The following TMEM232 variants were observed in gnomAD, a reference collection of about 807,000 sequenced individuals.
TMEM232 encodes the protein transmembrane protein 232.
In TMEM232, 80 loss-of-function variants were observed where a neutral mutation model predicts 78.8. That is an observed-to-expected ratio of 1.01 (90% confidence interval 0.85 to 1.22). TMEM232 has a LOEUF of 1.22. Ranked by LOEUF, TMEM232 falls within the 50% of genes most tolerant of loss-of-function variation. The probability of loss-of-function intolerance (pLI) is 0.00; values close to 1 mark genes in which losing one functional copy is unlikely to be tolerated. For missense variants in TMEM232, 881 were observed against 742.2 expected, an observed-to-expected ratio of 1.19 and a Z score of -2.17; for synonymous variants, 297 against 254.3, an observed-to-expected ratio of 1.17 and a Z score of -1.60.
intron 5 of TMEM232, among the ~76,000 whole-genome samples, chr5:110,633,856 A>C (rs931683582): frequency 6.6e-6 from 1 of 152,226 alleles, no homozygotes; most frequent in African/African-American, 2.4e-5. Flanking sequence ...ATCAATAATA[A>C]TGTAAATGTA....
intron 1 of TMEM232, among the ~76,000 whole-genome samples, chr5:110,735,847 T>A (rs963151852): frequency 6.6e-6 from 1 of 152,248 alleles, no homozygotes; most frequent in Non-Finnish European, 1.5e-5. Context: ...TTTCTATAGC[T>A]GTCTGAGTAA....
chr5:110,387,503 C>T (rs1399643448), intron 5 of TMEM232: 1 of 151,970 alleles, frequency 6.6e-6, no homozygotes, highest in Non-Finnish European at 1.5e-5. Context: ...TCACTGTAGG[C>T]TTCTGAAAAA....
At chr5:110,423,780 C>CGT (rs146104536) in intron 13 of TMEM232, among the ~76,000 whole-genome samples, 24,855 of 142,316 alleles carry the variant, frequency 0.17, 2,467 homozygotes, top group African/African-American at 0.3. Context: ...TTTATGCGTG[C>CGT]GTGTGTGTGT....
chr5:110,389,304 C>A (rs1755095731), intron 4 of TMEM232, among the ~76,000 whole-genome samples: 1 of 141,244 alleles, frequency 7.1e-6, no homozygotes, highest in South Asian at 2.2e-4. Flanking sequence ...GGAAAGAAGT[C>A]TCTAAGCAGA....
At chr5:110,509,631 T>C (rs1025124580) in intron 12 of TMEM232, among the ~76,000 whole-genome samples, 2 of 152,178 alleles carry the variant, frequency 1.3e-5, no homozygotes, top group Non-Finnish European at 2.9e-5. Context: ...TTATATATGG[T>C]ATACAATATT....
At chr5:110,469,532 G>A (rs997863495) in intron 12 of TMEM232, among the ~76,000 whole-genome samples, 2 of 152,190 alleles carry the variant, frequency 1.3e-5, no homozygotes, top group Admixed American at 6.5e-5. Context: ...AGCCACTGCT[G>A]CACTCTGAAC....
intron 2 of TMEM232, among the ~76,000 whole-genome samples, chr5:110,648,855 T>C (rs1219600798): frequency 2.0e-5 from 3 of 152,094 alleles, no homozygotes; most frequent in Non-Finnish European, 4.4e-5. Flanking sequence ...ATCTATCTAT[T>C]ACACTCAGCT....
rs1191774801 is a variant in TMEM232, at chr5:110,607,034, A to T, written c.903-747T>A. On this transcript the variant is annotated intron_variant, in intron 8 of 13. Transcript: ENST00000455884. ...TTTAAAAGTTAGTATATTTTACAAGATTATTTGAATTTCACAACTGTGATA... is the reference window on the plus strand; with the variant it reads ...TTTAAAAGTTAGTATATTTTACAAGTTTATTTGAATTTCACAACTGTGATA... 4.6e-5 allele frequency among the ~76,000 whole-genome samples: 7 copies of T among 152,124 alleles called. No homozygotes were observed. The East Asian group carries it at 5.8e-4, about 13-fold the overall frequency.
intron 10 of TMEM232, among the ~76,000 whole-genome samples, chr5:110,587,689 ATATGTGTGTG>A (rs1321749190): frequency 0.031 from 1,628 of 52,926 alleles, 11 homozygotes; most frequent in African/African-American, 0.098. Context: ...ATATATATAT[ATATGTGTGTG>A]TGTGTGTGTG....
At chr5:110,503,298 T>G (rs1766476674) in intron 12 of TMEM232, among the ~76,000 whole-genome samples, 1 of 152,202 alleles carries the variant, frequency 6.6e-6, no homozygotes, top group African/African-American at 2.4e-5. Flanking sequence ...AGATTGAATG[T>G]GTAATATAGG....
At chr5:110,569,600 C>A (rs907864882) in intron 10 of TMEM232, among the ~76,000 whole-genome samples, 1 of 151,812 alleles carries the variant, frequency 6.6e-6, no homozygotes, top group Non-Finnish European at 1.5e-5. Flanking sequence ...ACCCTGGTGA[C>A]AGTCCATTGA....
At chr5:110,446,741 A>G (rs1272207504) in intron 12 of TMEM232, among the ~76,000 whole-genome samples, 1 of 152,194 alleles carries the variant, frequency 6.6e-6, no homozygotes, top group African/African-American at 2.4e-5. Context: ...GAGGTACATT[A>G]GAAATTATTT....
chr5:110,450,126 G>A (rs920437293), intron 12 of TMEM232, among the ~76,000 whole-genome samples: 11 of 152,058 alleles, frequency 7.2e-5, no homozygotes, highest in African/African-American at 2.7e-4. Context: ...CGTGCTTGCT[G>A]CCCCTTCACA....
At chr5:110,605,943 G>A (rs751337149) in intron 9 of TMEM232, among the ~76,000 whole-genome samples, 5 of 151,858 alleles carry the variant, frequency 3.3e-5, no homozygotes, top group Non-Finnish European at 7.4e-5. Flanking sequence ...TTCAATAAAT[G>A]AACTTACCCC....
At chr5:110,391,291 ATGTGTGTGTGTGTGTGTGTGTG>A (rs369913835) in intron 3 of TMEM232, among the ~76,000 whole-genome samples, 8 of 130,576 alleles carry the variant, frequency 6.1e-5, no homozygotes, top group Admixed American at 1.6e-4. Flanking sequence ...TCCCGTTTGA[ATGTGTGTGTGTGTGTGTGTGTG>A]TGTGTGTGTG....
chr5:110,682,508 T>C (rs1792879522), intron 1 of TMEM232, among the ~76,000 whole-genome samples: 1 of 152,140 alleles, frequency 6.6e-6, no homozygotes, highest in Non-Finnish European at 1.5e-5. Flanking sequence ...AGCTGCCACA[T>C]TTTCTTTACC....
In TMEM232 at chr5:110,564,345, A is replaced by G. The variant is rs1441373740; in HGVS notation, c.1455+4102T>C. Among the ~76,000 whole-genome samples the G allele has an allele frequency of 2.0e-5, 3 of 152,012 alleles. No individual in the cohort carries two copies. In the East Asian group the frequency reaches 5.8e-4, roughly 29 times the overall value. On this transcript the variant is annotated intron_variant, in intron 11 of 13. Coordinates refer to ENST00000455884, the MANE Select transcript of TMEM232 (RefSeq NM_001039763.4). ...AGGATGCCATATGGATAAAGCATCA[A>G]TGGAAAAATCATGTGTATTTTATGA...
chr5:110,474,868 A>G (rs934335427), intron 12 of TMEM232, among the ~76,000 whole-genome samples: 4 of 152,058 alleles, frequency 2.6e-5, no homozygotes, highest in Non-Finnish European at 5.9e-5. Context: ...TGTCAGAAAT[A>G]AAAGAACACT....
intron 1 of TMEM232, among the ~76,000 whole-genome samples, chr5:110,716,204 T>C (rs535815583): frequency 2.6e-5 from 4 of 152,208 alleles, no homozygotes; most frequent in Admixed American, 6.5e-5. Flanking sequence ...AGAATACATT[T>C]CTTCAAATAT....
Sources: allele counts gnomAD v4.1 joint callset (sites outside exome capture counted in the v4.1 genomes callset), GRCh38; gene constraint gnomAD v4.1.1; transcripts MANE v1.5; gene names NCBI Gene and HGNC (gene_info 2026-07-23, HGNC 2026-07-21).